PIP4K2A: variants seen among roughly 807,000 people sequenced by gnomAD.
PIP4K2A encodes the protein phosphatidylinositol-5-phosphate 4-kinase type 2 alpha.
A neutral mutation model predicts 42.9 loss-of-function variants in PIP4K2A; 14 were observed. That is an observed-to-expected ratio of 0.33 (90% confidence interval 0.22 to 0.51). The LOEUF (loss-of-function observed/expected upper bound fraction) is 0.51. Ranked by LOEUF, PIP4K2A falls within the 20% of genes least tolerant of loss-of-function variation. The pLI, the probability that PIP4K2A is intolerant of heterozygous loss-of-function variation, is 0.97. For synonymous variants in PIP4K2A, 192 were observed against 192.2 expected, an observed-to-expected ratio of 1.00 and a Z score of 0.01; for missense variants, 434 against 519.8, an observed-to-expected ratio of 0.83 and a Z score of 1.61.
At chr10:22,683,686 G>A (rs555952979) in intron 1 of PIP4K2A, among the ~76,000 whole-genome samples, 2 of 152,038 alleles carry the variant, frequency 1.3e-5, no homozygotes, top group African/African-American at 2.4e-5. Flanking sequence ...TGTTGAGCAC[G>A]TGTTTATCAT....
chr10:22,633,562 G>A (rs1838599676), intron 1 of PIP4K2A, among the ~76,000 whole-genome samples: 1 of 152,084 alleles, frequency 6.6e-6, no homozygotes, highest in Non-Finnish European at 1.5e-5. Context: ...GGTGCTCCTT[G>A]GAGCCAGGAG....
At chr10:22,592,514 T>C (rs1837536988) in intron 3 of PIP4K2A, among the ~76,000 whole-genome samples, 1 of 152,192 alleles carries the variant, frequency 6.6e-6, no homozygotes, top group South Asian at 2.1e-4. Context: ...CATCCTCCAC[T>C]CCCTACCACC....
intron 1 of PIP4K2A, among the ~76,000 whole-genome samples, chr10:22,675,583 C>G (rs761836986): frequency 6.6e-6 from 1 of 152,128 alleles, no homozygotes; most frequent in African/African-American, 2.4e-5. Flanking sequence ...GAGTGAGACT[C>G]CGTCTCAAAA....
At position 22,587,775 on chromosome 10, in the gene PIP4K2A, G is replaced by A. The variant is rs114319954; in HGVS notation, c.492+3854C>T. On this transcript the variant is annotated intron_variant, in intron 4 of 9. Transcript: ENST00000376573. ...CAGAATGGGAGAGGGCTAGGCAGCC[G>A]GTGTGCATTATAGCCTTTCTCTGTA... 9.6e-3 allele frequency among the ~76,000 whole-genome samples: 1,465 copies of A among 152,272 alleles called. 26 individuals are homozygous for A. Among genetic ancestry groups the A allele is most frequent in the African/African-American group, 0.034 (1,401 of 41,540 alleles).
intron 1 of PIP4K2A, among the ~76,000 whole-genome samples, chr10:22,648,259 GA>G (rs1651597661): frequency 6.6e-6 from 1 of 152,188 alleles, no homozygotes; most frequent in Admixed American, 6.5e-5. Context: ...AATATGTACA[GA>G]AAATATTCAG....
intron 1 of PIP4K2A, among the ~76,000 whole-genome samples, chr10:22,701,780 G>A (rs568971003): frequency 4.6e-5 from 7 of 152,274 alleles, no homozygotes; most frequent in Non-Finnish European, 7.4e-5. Flanking sequence ...GAGAGAAGTC[G>A]GCCTGTCAAG....
At chr10:22,695,436 CA>C (rs1564470262) in intron 1 of PIP4K2A, among the ~76,000 whole-genome samples, 1 of 152,118 alleles carries the variant, frequency 6.6e-6, no homozygotes, top group African/African-American at 2.4e-5. Context: ...CCCAAACTCA[CA>C]AAAAGTGACA....
intron 1 of PIP4K2A, among the ~76,000 whole-genome samples, chr10:22,643,802 T>A (rs2130797389): frequency 6.6e-6 from 1 of 151,942 alleles, no homozygotes; most frequent in South Asian, 2.1e-4. Context: ...TCCTGACCAA[T>A]CCCACACCCC....
intron 7 of PIP4K2A, among the ~76,000 whole-genome samples, chr10:22,550,358 G>C (rs963767904): frequency 2.0e-5 from 3 of 152,216 alleles, no homozygotes; most frequent in African/African-American, 7.2e-5. Flanking sequence ...GTGTGGGCAG[G>C]TCAGTCTTCA....
chr10:22,709,031 G>A (rs1833868367), intron 1 of PIP4K2A, among the ~76,000 whole-genome samples: 1 of 151,796 alleles, frequency 6.6e-6, no homozygotes, highest in South Asian at 2.1e-4. Context: ...CAATCCTCCT[G>A]CCTCAGCCTC....
At chr10:22,557,220 G>A (rs763994188) in intron 6 of PIP4K2A, among the ~76,000 whole-genome samples, 6 of 152,140 alleles carry the variant, frequency 3.9e-5, no homozygotes, top group South Asian at 4.1e-4. Flanking sequence ...AACACATGCC[G>A]CCTTTTAGCA....
intron 1 of PIP4K2A, among the ~76,000 whole-genome samples, chr10:22,646,952 A>C (rs1017149574): frequency 7.5e-6 from 1 of 133,582 alleles, no homozygotes; most frequent in Admixed American, 7.2e-5. Flanking sequence ...ACAAAACAAA[A>C]CAAAACAAAA....
chr10:22,712,831 T>C (rs1281985286), intron 1 of PIP4K2A, among the ~76,000 whole-genome samples: 1 of 152,174 alleles, frequency 6.6e-6, no homozygotes, highest in East Asian at 1.9e-4. Flanking sequence ...GATACTGTTT[T>C]GCCCTTCCCC....
chr10:22,536,482 A>T lies in PIP4K2A; in HGVS notation c.*719T>A. On this transcript the variant is annotated 3_prime_UTR_variant, in exon 10 of 10. Transcript: ENST00000376573. ...GGGAGGGGTGGGGGCTCTGGACACCAGGGGGTCCTGACAAGGCTGGGGCCA... is the reference window on the plus strand; with the variant it reads ...GGGAGGGGTGGGGGCTCTGGACACCTGGGGGTCCTGACAAGGCTGGGGCCA... 5.5e-6 allele frequency: 1 copy of T among 183,122 alleles called. No individual in the cohort carries two copies. Among genetic ancestry groups the T allele is most frequent in the Non-Finnish European group, 1.1e-5 (1 of 88,974 alleles). The allele number at this position is 183,122 out of a possible 1,614,324, so 11.3% of individuals were successfully genotyped here. A position where few individuals can be genotyped will look rare whatever the true frequency, so the allele number is the denominator to read the frequency against.
intron 1 of PIP4K2A, among the ~76,000 whole-genome samples, chr10:22,616,968 A>G (rs1241202757): frequency 6.6e-6 from 1 of 152,272 alleles, no homozygotes; most frequent in East Asian, 1.9e-4. Flanking sequence ...CCAATTATTT[A>G]TTAAAGCCAA....
chr10:22,566,519 G>C (rs1284394135), intron 6 of PIP4K2A, among the ~76,000 whole-genome samples: 1 of 152,090 alleles, frequency 6.6e-6, no homozygotes, highest in Non-Finnish European at 1.5e-5. Context: ...CAGTTCTGTA[G>C]ATTTGTCTTC....
intron 1 of PIP4K2A, among the ~76,000 whole-genome samples, chr10:22,683,448 G>A (rs1368337463): frequency 1.3e-5 from 2 of 152,112 alleles, no homozygotes; most frequent in African/African-American, 2.4e-5. Flanking sequence ...CTGACAGTGT[G>A]GACTTAGCCG....
At position 22,650,958 on chromosome 10, in the gene PIP4K2A, A is replaced by C. The variant is rs537658820; in HGVS notation, c.145-41241T>G. 2.6e-5 allele frequency among the ~76,000 whole-genome samples: 4 copies of C among 152,088 alleles called. No individual in the cohort carries two copies. In the South Asian group the frequency reaches 6.2e-4, roughly 24 times the overall value. ...GCCTCTCAAGCCTACCTGGTTCACCACCGGACTTTAAATCTCATCTGGAAG... is the reference window on the plus strand; with the variant it reads ...GCCTCTCAAGCCTACCTGGTTCACCCCCGGACTTTAAATCTCATCTGGAAG... On this transcript the variant is annotated intron_variant, in intron 1 of 9. Coordinates refer to ENST00000376573, the MANE Select transcript of PIP4K2A (RefSeq NM_005028.5).
intron 1 of PIP4K2A, chr10:22,646,305 G>A (rs531421315): frequency 1.3e-5 from 2 of 152,284 alleles, no homozygotes; most frequent in Admixed American, 6.5e-5. Flanking sequence ...TAGAGAAAGG[G>A]AGATTAAGAT....
Sources: allele counts gnomAD v4.1 joint callset (sites outside exome capture counted in the v4.1 genomes callset), GRCh38; gene constraint gnomAD v4.1.1; transcripts MANE v1.5; gene names NCBI Gene and HGNC (gene_info 2026-07-23, HGNC 2026-07-21).